The following ZNF730 variants were observed in gnomAD, a reference collection of about 807,000 sequenced individuals.
ZNF730 encodes putative zinc finger protein 730.
ZNF730 carries 12 observed loss-of-function variants against 12.6 expected under a neutral mutation model. That is an observed-to-expected ratio of 0.95 (90% CI 0.61 to 1.54). The LOEUF is 1.54. ZNF730 is among the 40% of genes most tolerant of loss of function. The pLI is 0.00. For synonymous variants in ZNF730, 194 were observed against 195.8 expected (o/e 0.99, Z 0.08); for missense variants, 643 against 583.5 (o/e 1.10, Z -1.05).
upstream of ZNF730, among the ~76,000 whole-genome samples, chr19:23,114,493 TTTTATTTTTATTTTATTTATTTTTA>T (rs1441671005): frequency 8.2e-6 from 1 of 122,586 alleles, no homozygotes; most frequent in East Asian, 2.7e-4. Flanking sequence ...TTTTATTTAT[TTTTATTTTTATTTTATTTATTTTTA>T]TTTATTTTTA....
At chr19:23,103,264 G>GC (rs1179472592) in intron 1 of ZNF730, among the ~76,000 whole-genome samples, 5 of 152,196 alleles carry the variant, frequency 3.3e-5, no homozygotes, top group Non-Finnish European at 4.4e-5. Context: ...ACAAATGGTG[G>GC]AAGGATTGTA....
chr19:23,112,935 C>T (rs982166532), upstream of ZNF730, among the ~76,000 whole-genome samples: 1 of 152,108 alleles, frequency 6.6e-6, no homozygotes, highest in Non-Finnish European at 1.5e-5. Context: ...GTCTTTTTTC[C>T]CCCTGGTTTA....
rs1329511064 is a variant in ZNF730 at position 23,145,969 on chromosome 19, G to C, written c.925G>C (p.Glu309Gln). ...LTEHKKIHTK[E>Q]QPYKCEKCGK... ...TGAACATAAGAAAATTCATACTAAA[G>C]AGCAACCATACAAATGCGAAAAATG... Residue 309 changes from glutamate (E) to glutamine (Q), a missense_variant, in exon 4 of 4, where the codon GAG becomes CAG. Physicochemically the swap from Glu to Gln is conservative, Grantham distance 29. Transcript: ENST00000597761. 1.9e-6 allele frequency: 3 copies of C among 1,607,308 alleles called. No individual in the cohort carries two copies. Among genetic ancestry groups the C allele is most frequent in the Non-Finnish European group, 2.5e-6 (3 of 1,178,278 alleles).
At position 23,085,836 on chromosome 19, in the gene ZNF730, C is replaced by CTTTTTTTTTTTTTTTTTTT. The variant is rs556123915; in HGVS notation, c.-94+10458_-94+10476dup. Among the ~76,000 whole-genome samples, 47 of 54,856 alleles carry CTTTTTTTTTTTTTTTTTTT rather than the reference C, an allele frequency of 8.6e-4. 11 individuals are homozygous for CTTTTTTTTTTTTTTTTTTT. The highest frequency in any genetic ancestry group is 1.5e-3 in the African/African-American group (18 of 12,034). The allele number at this position is 54,856 out of a possible 152,430, so 36.0% of individuals were successfully genotyped here. ...GACCTATTTCACCCAATTTTTTTTT[C>CTTTTTTTTTTTTTTTTTTT]TTTTTTTTTTTTTTTTTTTTTTTTT... On this transcript the variant is annotated intron_variant, in intron 1 of 2. Transcript: ENST00000593635.
upstream of ZNF730, among the ~76,000 whole-genome samples, chr19:23,113,268 G>A (rs1157189729): frequency 1.3e-5 from 2 of 152,124 alleles, no homozygotes; most frequent in African/African-American, 4.8e-5. Context: ...GAGGACCCTG[G>A]TTAAAAAGCA....
chr19:23,089,679 C>G (rs897627406), intron 1 of ZNF730, among the ~76,000 whole-genome samples: 13 of 152,106 alleles, frequency 8.5e-5, no homozygotes, highest in Admixed American at 5.2e-4. Context: ...AATTGTAAGT[C>G]CAATTAAACC....
chr19:23,115,791 C>T (rs1057100597), upstream of ZNF730, among the ~76,000 whole-genome samples: 1 of 152,164 alleles, frequency 6.6e-6, no homozygotes, highest in African/African-American at 2.4e-5. Context: ...AAGAATGGCC[C>T]CAGTGAGCCC....
At chr19:23,131,477 T>C (rs1599595462) in intron 1 of ZNF730, among the ~76,000 whole-genome samples, 1 of 152,318 alleles carries the variant, frequency 6.6e-6, no homozygotes, top group East Asian at 1.9e-4. Context: ...AAACGTTGCT[T>C]TCTAAATACA....
intron 1 of ZNF730, among the ~76,000 whole-genome samples, chr19:23,101,052 A>T (rs986824567): frequency 6.6e-6 from 1 of 152,238 alleles, no homozygotes; most frequent in African/African-American, 2.4e-5. Flanking sequence ...TGATGCTCAT[A>T]TCTGGGCTTG....
intron 1 of ZNF730, among the ~76,000 whole-genome samples, chr19:23,120,656 T>G (rs577860392): frequency 5.3e-4 from 81 of 152,272 alleles, no homozygotes; most frequent in African/African-American, 1.9e-3. Context: ...TTTCAAAAGA[T>G]TTAACTCAAT....
chr19:23,107,449 CAAAAAAAAAA>C lies in ZNF730; in HGVS notation c.-93-26614_-93-26605del, dbSNP rs57120684. Among the ~76,000 whole-genome samples, 432 of 47,340 alleles carry C rather than the reference CAAAAAAAAAA, an allele frequency of 9.1e-3. 7 individuals are homozygous for C. Among genetic ancestry groups the C allele is most frequent in the African/African-American group, 0.033 (385 of 11,812 alleles). 31.1% of individuals were successfully genotyped at this position (47,340 alleles called of 152,430 possible). A position where few individuals can be genotyped will look rare whatever the true frequency, so the allele number is the denominator to read the frequency against. On this transcript the variant is annotated intron_variant, in intron 1 of 2. Transcript: ENST00000593635. ...TGTCTCTACTTTAAAAAAAAAATAC[CAAAAAAAAAA>C]AAAAAAAAAAAAAAAACCACCACAG... is the stretch of plus-strand genomic sequence containing the variant.
intron 1 of ZNF730, among the ~76,000 whole-genome samples, chr19:23,075,905 G>C (rs1969850819): frequency 6.6e-6 from 1 of 151,978 alleles, no homozygotes; most frequent in South Asian, 2.1e-4. Context: ...TAATTTATAA[G>C]AAATGCATTC....
At chr19:23,091,333 C>T (rs1970156487) in intron 1 of ZNF730, among the ~76,000 whole-genome samples, 1 of 152,098 alleles carries the variant, frequency 6.6e-6, no homozygotes, top group African/African-American at 2.4e-5. Flanking sequence ...TCTGCTAGGG[C>T]AGTGTGGAAG....
chr19:23,114,305 C>CTTTTT (rs869304180), upstream of ZNF730, among the ~76,000 whole-genome samples: 40 of 103,516 alleles, frequency 3.9e-4, 3 homozygotes, highest in Middle Eastern at 5.3e-3. Context: ...TTTTTCTTTT[C>CTTTTT]TTTTTTTTTT....
chr19:23,140,568 G>A (rs1018365518), intron 3 of ZNF730, among the ~76,000 whole-genome samples: 3 of 145,368 alleles, frequency 2.1e-5, no homozygotes, highest in South Asian at 4.4e-4. Flanking sequence ...CCAAAGTAGC[G>A]CCACTGCACT....
At chr19:23,104,210 G>A (rs895577019) in intron 1 of ZNF730, among the ~76,000 whole-genome samples, 3 of 151,392 alleles carry the variant, frequency 2.0e-5, no homozygotes, top group African/African-American at 7.3e-5. Context: ...GCTGAGGCAG[G>A]AGAATCGCTT....
chr19:23,139,577 T>G (rs1315029380), intron 3 of ZNF730, among the ~76,000 whole-genome samples: 6 of 152,162 alleles, frequency 3.9e-5, no homozygotes, highest in Admixed American at 3.9e-4. Flanking sequence ...CAGGCTGGAG[T>G]GCAGTGGCAC....
intron 1 of ZNF730, among the ~76,000 whole-genome samples, chr19:23,076,062 T>TCCA (rs35091507): frequency 0.45 from 67,789 of 151,664 alleles, 17,827 homozygotes; most frequent in African/African-American, 0.75. Context: ...AGGGCTCTAA[T>TCCA]CCACTTTTTT....
chr19:23,105,391 G>A (rs1406793887), intron 1 of ZNF730, among the ~76,000 whole-genome samples: 1 of 152,016 alleles, frequency 6.6e-6, no homozygotes, highest in Non-Finnish European at 1.5e-5. Flanking sequence ...GGGATTACAG[G>A]CGTGAGCTAC....
Sources: gnomAD v4.1 joint callset for allele counts (sites outside exome capture counted in the v4.1 genomes callset) on GRCh38, gnomAD v4.1.1 for gene constraint, MANE v1.5 for transcripts, NCBI Gene and HGNC (gene_info 2026-07-23, HGNC 2026-07-21) for gene names.